The following RALGAPA1 variants were observed in gnomAD, a reference collection of about 807,000 sequenced individuals.
RALGAPA1 encodes ral GTPase-activating protein subunit alpha-1.
RALGAPA1 carries 52 observed loss-of-function variants against 269.6 expected under a neutral mutation model. The ratio of observed to expected loss-of-function variants is 0.19; its 90% CI spans 0.15 to 0.24. The LOEUF (loss-of-function observed/expected upper bound fraction) is 0.24. Among genes scored for constraint, RALGAPA1 ranks in the 10% least tolerant of loss-of-function variants. The probability of loss-of-function intolerance (pLI) is 1.00; values close to 1 mark genes in which losing one functional copy is unlikely to be tolerated. For missense variants in RALGAPA1, 1,917 were observed against 3,013.9 expected, an observed-to-expected ratio of 0.64 and a Z score of 8.52; for synonymous variants, 817 against 1,008.3, an observed-to-expected ratio of 0.81 and a Z score of 3.60.
chr14:35,556,827 A>C (rs916287757), intron 39 of RALGAPA1, among the ~76,000 whole-genome samples: 2 of 152,210 alleles, frequency 1.3e-5, no homozygotes, highest in Non-Finnish European at 1.5e-5. Context: ...CAGTGTGAGG[A>C]TAGCCCTATT....
intron 36 of RALGAPA1, among the ~76,000 whole-genome samples, chr14:35,599,241 A>G (rs2059123708): frequency 6.6e-6 from 1 of 152,232 alleles, no homozygotes; most frequent in Non-Finnish European, 1.5e-5. Context: ...GAGAAAGCAC[A>G]GTGATTGTAT....
intron 37 of RALGAPA1, among the ~76,000 whole-genome samples, chr14:35,591,947 G>A (rs984045287): frequency 1.3e-5 from 2 of 152,114 alleles, no homozygotes; most frequent in Non-Finnish European, 2.9e-5. Flanking sequence ...TCGCTCTCTT[G>A]CCTGCAGCCA....
At chr14:35,786,127 A>C (rs1443684427) in intron 1 of RALGAPA1, among the ~76,000 whole-genome samples, 1 of 152,098 alleles carries the variant, frequency 6.6e-6, no homozygotes, top group Non-Finnish European at 1.5e-5. Flanking sequence ...ACTGCACTCC[A>C]ACCTGGGTGA....
intron 10 of RALGAPA1, among the ~76,000 whole-genome samples, chr14:35,743,018 C>G (rs138607730): frequency 2.0e-5 from 3 of 152,228 alleles, no homozygotes; most frequent in Non-Finnish European, 4.4e-5. Context: ...CACCCCAACA[C>G]TCACCCGGAC....
At chr14:35,764,173 C>T (rs1008259) in intron 4 of RALGAPA1, among the ~76,000 whole-genome samples, 26,307 of 151,430 alleles carry the variant, frequency 0.17, 4,219 homozygotes, top group East Asian at 0.45. Flanking sequence ...TCACTGCAGC[C>T]TCAAACTCCT....
Position 35,690,094 on chromosome 14 carries a change from A to T in RALGAPA1, c.2408-91T>A, listed in dbSNP as rs927719192. On this transcript the variant is annotated intron_variant, in intron 17 of 41. Transcript: ENST00000680220. ...AATAATGCTCTAAAGCATATGCTTT[A>T]AAAAAAATCTGAGTTTTTGTAAGCT... The T allele has an allele frequency of 1.4e-4, 140 of 968,018 alleles. No individual in the cohort carries two copies. The East Asian group carries it at 1.9e-3, about 13-fold the overall frequency. The allele number at this position is 968,018 out of a possible 1,614,324, so 60.0% of individuals were successfully genotyped here. A position where few individuals can be genotyped will look rare whatever the true frequency, so the allele number is the denominator to read the frequency against.
intron 16 of RALGAPA1, among the ~76,000 whole-genome samples, chr14:35,703,457 C>A (rs2067537089): frequency 6.6e-6 from 1 of 152,084 alleles, no homozygotes; most frequent in Non-Finnish European, 1.5e-5. Context: ...CCAGCCTGGG[C>A]AACAAAGTTA....
chr14:35,756,878 A>G lies in RALGAPA1; in HGVS notation c.578T>C (p.Leu193Pro), dbSNP rs760405683. 1 of 1,611,342 alleles carries G rather than the reference A, an allele frequency of 6.2e-7. No individual in the cohort carries two copies. The highest frequency in any genetic ancestry group is 8.5e-7 in the Non-Finnish European group (1 of 1,178,650). ...TQVTIEEITP[L>P]VPPQSGDKGQ... is the part of the protein sequence containing the mutation. ...TTTATCTCCTGATTGTGGGGGGACA[A>G]GAGGAGTGATTTCTTCTATAGTGAC... Residue 193 changes from leucine to proline, a missense_variant, in exon 7 of 42, where the codon CTT becomes CCT. Around this residue, in one of 11 missense-constraint regions of RALGAPA1, gnomAD observed 462 missense variants for 725.6 expected, o/e 0.64. Transcript: ENST00000680220.
chr14:35,690,951 T>G (rs1307696358), intron 17 of RALGAPA1, among the ~76,000 whole-genome samples: 1 of 151,828 alleles, frequency 6.6e-6, no homozygotes, highest in East Asian at 1.9e-4. Context: ...TGCCTGTAAT[T>G]CCAGCTACTT....
At position 35,738,610 on chromosome 14, in the gene RALGAPA1, C is replaced by G. The variant is rs573832132; in HGVS notation, c.1490G>C (p.Ser497Thr). The change falls in exon 12 of 42, where the codon AGT becomes ACT. Residue 497 changes from serine (S) to threonine (T), a missense_variant. By Grantham distance (58) the Ser-to-Thr change is moderately conservative. Around this residue, in one of 11 missense-constraint regions of RALGAPA1, gnomAD observed 462 missense variants for 725.6 expected, o/e 0.64. Transcript: ENST00000680220. ...TNTADHVRNSSWAKNGSYQGA... is the reference protein window; with the variant it reads ...TNTADHVRNSTWAKNGSYQGA... ...TTGGTAGGAGCCGTTTTTTGCCCAA[C>G]TGGAATTTCGAACATGATCAGCAGT... The G allele has an allele frequency of 6.2e-7, 1 of 1,613,290 alleles. No individual in the cohort carries two copies. Among genetic ancestry groups the G allele is most frequent in the Admixed American group, 1.7e-5 (1 of 59,884 alleles).
chr14:35,551,195 A>G (rs1406764670), intron 39 of RALGAPA1, among the ~76,000 whole-genome samples: 1 of 152,160 alleles, frequency 6.6e-6, no homozygotes, highest in Non-Finnish European at 1.5e-5. Flanking sequence ...TCTCCCTCCT[A>G]CAGAGCTTTT....
chr14:35,730,367 C>T (rs1355375819), intron 12 of RALGAPA1, among the ~76,000 whole-genome samples: 2 of 152,154 alleles, frequency 1.3e-5, no homozygotes, highest in East Asian at 3.8e-4. Context: ...AAATTTGAAC[C>T]AGGCAAGAAG....
chr14:35,659,047 TA>T, intron 28 of RALGAPA1, 90 bp downstream of exon 28: 1 of 834,690 alleles, frequency 1.2e-6, no homozygotes, highest in Non-Finnish European at 1.8e-6. Context: ...TTTATGTATC[TA>T]AAACAATCTG....
intron 37 of RALGAPA1, among the ~76,000 whole-genome samples, chr14:35,577,741 A>G (rs973159971): frequency 1.1e-4 from 16 of 152,176 alleles, no homozygotes; most frequent in African/African-American, 3.9e-4. Context: ...GAATTCTTAT[A>G]AAGTAACTGT....
chr14:35,625,472 A>C (rs376831497), intron 34 of RALGAPA1, 40 bp from the exon 35 acceptor site: 25 of 1,428,952 alleles, frequency 1.7e-5, no homozygotes, highest in Non-Finnish European at 2.3e-5. Flanking sequence ...TCACCTTTGC[A>C]GTGAATGACA....
At chr14:35,548,617 TCTTA>T (rs1237517688) in intron 40 of RALGAPA1, 79 bp from the exon 41 acceptor site, 5 of 945,004 alleles carry the variant, frequency 5.3e-6, no homozygotes, top group African/African-American at 5.1e-5. Context: ...TCATTTATTT[TCTTA>T]CTGATTTCTT....
intron 14 of RALGAPA1, 112 bp from the exon 15 acceptor site, chr14:35,723,376 C>T: frequency 1.7e-6 from 1 of 605,598 alleles, no homozygotes; most frequent in Admixed American, 3.0e-5. Context: ...TTTAAAATCG[C>T]ATGCTTTTTT....
chr14:35,646,671 G>A (rs1341436075), intron 31 of RALGAPA1, among the ~76,000 whole-genome samples: 1 of 152,194 alleles, frequency 6.6e-6, no homozygotes, highest in African/African-American at 2.4e-5. Context: ...TTGCCCTACA[G>A]GATGTTAGTG....
chr14:35,723,007 T>C lies in RALGAPA1; in HGVS notation c.2104+20A>G. ...TATTTAAACAAATTTATATAGAGCA[T>C]CTCTATGAACAATTCTTACCTTTCC... On this transcript the variant is annotated intron_variant, in intron 15 of 41. Transcript: ENST00000680220. 5.4e-6 allele frequency: 8 copies of C among 1,481,742 alleles called. No homozygotes were observed. Among genetic ancestry groups the C allele is most frequent in the Non-Finnish European group, 7.5e-6 (8 of 1,065,148 alleles). 91.8% of individuals were successfully genotyped at this position (1,481,742 alleles called of 1,614,324 possible).
Sources: gnomAD v4.1 joint callset for allele counts (sites outside exome capture counted in the v4.1 genomes callset) on GRCh38, gnomAD v4.1.1 for gene constraint, gnomAD v4.1.1 regional missense constraint, MANE v1.5 for transcripts, NCBI Gene and HGNC (gene_info 2026-07-23, HGNC 2026-07-21) for gene names.